PRKAR2A: variants seen among roughly 807,000 people sequenced by gnomAD.
The protein encoded by PRKAR2A is protein kinase cAMP-dependent type II regulatory subunit alpha.
In PRKAR2A, 29 loss-of-function variants were observed where a neutral mutation model predicts 51.9. That is an observed-to-expected ratio of 0.56 (90% CI 0.42 to 0.76). The LOEUF (loss-of-function observed/expected upper bound fraction) is 0.76, where lower values mean the gene tolerates loss of function less well. Among genes scored for constraint, PRKAR2A ranks in the 30% least tolerant of loss-of-function variants. The pLI is 0.00. For missense variants in PRKAR2A, 445 were observed against 512.1 expected, an observed-to-expected ratio of 0.87 and a Z score of 1.26; for synonymous variants, 178 against 186.2, an observed-to-expected ratio of 0.96 and a Z score of 0.36.
intron 2 of PRKAR2A, among the ~76,000 whole-genome samples, chr3:48,795,871 G>C (rs1389819372): frequency 6.6e-6 from 1 of 152,180 alleles, no homozygotes; most frequent in Non-Finnish European, 1.5e-5. Context: ...ACTGTAGGGA[G>C]TAAATAAACG....
chr3:48,756,878 A>G (rs1469480596), intron 8 of PRKAR2A, among the ~76,000 whole-genome samples: 1 of 152,230 alleles, frequency 6.6e-6, no homozygotes, highest in African/African-American at 2.4e-5. Context: ...CATCACACAG[A>G]GCCCCAAGTG....
intron 1 of PRKAR2A, among the ~76,000 whole-genome samples, chr3:48,819,356 C>T (rs1334091491): frequency 1.3e-5 from 2 of 152,128 alleles, no homozygotes; most frequent in African/African-American, 4.8e-5. Context: ...AGTCCCACTA[C>T]GTGCAAGTAT....
At chr3:48,791,811 G>A (rs1457275176) in intron 3 of PRKAR2A, among the ~76,000 whole-genome samples, 2 of 147,576 alleles carry the variant, frequency 1.4e-5, no homozygotes, top group African/African-American at 2.5e-5. Context: ...GCTGAGGCAG[G>A]AGAATCGCTT....
intron 1 of PRKAR2A, among the ~76,000 whole-genome samples, chr3:48,822,280 C>G (rs1164322816): frequency 6.6e-6 from 1 of 150,790 alleles, no homozygotes; most frequent in Admixed American, 6.6e-5. Context: ...CAGTTCTTCA[C>G]ACAGCTTGCA....
At chr3:48,757,697 T>A (rs1575838455) in intron 8 of PRKAR2A, among the ~76,000 whole-genome samples, 1 of 151,476 alleles carries the variant, frequency 6.6e-6, no homozygotes, top group South Asian at 2.1e-4. Context: ...CTGAGGGGGG[T>A]GGATTGCTTG....
intron 1 of PRKAR2A, among the ~76,000 whole-genome samples, chr3:48,814,315 G>T (rs989960021): frequency 1.3e-5 from 2 of 152,042 alleles, no homozygotes; most frequent in African/African-American, 4.8e-5. Context: ...CTACTCAGGA[G>T]GCTGAGGCAA....
At chr3:48,834,638 G>A (rs1227515678) in intron 1 of PRKAR2A, among the ~76,000 whole-genome samples, 1 of 150,936 alleles carries the variant, frequency 6.6e-6, no homozygotes, top group East Asian at 2.0e-4. Context: ...AGGCAAGAGG[G>A]TTACTTGAGC....
intron 4 of PRKAR2A, among the ~76,000 whole-genome samples, chr3:48,786,199 A>G (rs1243734922): frequency 7.0e-6 from 1 of 143,258 alleles, no homozygotes; most frequent in Non-Finnish European, 1.5e-5. Context: ...ATCTCGGCCC[A>G]CTGCAACCTC....
At chr3:48,793,193 A>G (rs1015503471) in intron 3 of PRKAR2A, among the ~76,000 whole-genome samples, 1 of 152,110 alleles carries the variant, frequency 6.6e-6, no homozygotes, top group African/African-American at 2.4e-5. Context: ...GCCATTACAT[A>G]CTGTCCTGTA....
chr3:48,843,038 T>C (rs566117790), intron 1 of PRKAR2A, among the ~76,000 whole-genome samples: 8,209 of 152,290 alleles, frequency 0.054, 301 homozygotes, highest in Non-Finnish European at 0.078. Context: ...TGAATCCATC[T>C]GGTCCTGGAC....
intron 1 of PRKAR2A, among the ~76,000 whole-genome samples, chr3:48,825,243 C>T (rs2083043417): frequency 6.6e-6 from 1 of 151,876 alleles, no homozygotes; most frequent in African/African-American, 2.4e-5. Flanking sequence ...CTCAAACTCC[C>T]AACCTTAGGA....
chr3:48,838,853 G>A (rs1326243768), intron 1 of PRKAR2A, among the ~76,000 whole-genome samples: 24 of 151,804 alleles, frequency 1.6e-4, no homozygotes, highest in Non-Finnish European at 1.5e-4. Context: ...GCATGGTGGT[G>A]GGCGCCTGTA....
At chr3:48,762,972 AT>A (rs951632730) in intron 8 of PRKAR2A, among the ~76,000 whole-genome samples, 33 of 152,128 alleles carry the variant, frequency 2.2e-4, no homozygotes, top group African/African-American at 8.0e-4. Flanking sequence ...GTTTCCAGGA[AT>A]GTGAGTGTGG....
chr3:48,818,163 C>A (rs2082902837), intron 1 of PRKAR2A, among the ~76,000 whole-genome samples: 1 of 152,204 alleles, frequency 6.6e-6, no homozygotes, highest in Admixed American at 6.5e-5. Flanking sequence ...GATCAGATTT[C>A]TCTATCATTT....
intron 1 of PRKAR2A, among the ~76,000 whole-genome samples, chr3:48,836,726 C>T (rs868608016): frequency 4.0e-5 from 6 of 151,758 alleles, no homozygotes; most frequent in Non-Finnish European, 8.8e-5. Flanking sequence ...CCTATAATCC[C>T]AGCACTTTGG....
chr3:48,744,617 A>T (rs890812638), downstream of PRKAR2A: 2 of 152,054 alleles, frequency 1.3e-5, no homozygotes, highest in Admixed American at 6.6e-5. Flanking sequence ...CTACCAGTTT[A>T]TTGGGCCCTA....
At chr3:48,764,968 C>A (rs1386046228) in intron 8 of PRKAR2A, 36 bp downstream of exon 8, 1 of 1,588,052 alleles carries the variant, frequency 6.3e-7, no homozygotes, top group Non-Finnish European at 8.6e-7. Context: ...TCAGGGGTGA[C>A]TTCCAGGAAA....
Position 48,830,918 on chromosome 3 carries a change from C to T in PRKAR2A, c.262+16417G>A, listed in dbSNP as rs188788438. Among the ~76,000 whole-genome samples the T allele has an allele frequency of 1.2e-3, 190 of 152,206 alleles. No homozygotes were observed. The Middle Eastern group carries it at 0.024, about 19-fold the overall frequency. ...GGTTCACGTTCCTATGAGAATCTAA[C>T]GCACCACTGATCTGACAGGAGATGG... On this transcript the variant is annotated intron_variant, in intron 1 of 10. Coordinates refer to ENST00000265563, the MANE Select transcript of PRKAR2A (RefSeq NM_004157.4).
chr3:48,843,367 A>T (rs1213248872), intron 1 of PRKAR2A, among the ~76,000 whole-genome samples: 3 of 152,036 alleles, frequency 2.0e-5, no homozygotes, highest in Admixed American at 6.6e-5. Flanking sequence ...CAGCTCCTGG[A>T]TTCATTAATT....
Sources: allele counts gnomAD v4.1 joint callset (sites outside exome capture counted in the v4.1 genomes callset), GRCh38; gene constraint gnomAD v4.1.1; transcripts MANE v1.5; gene names NCBI Gene and HGNC (gene_info 2026-07-23, HGNC 2026-07-21).